The following SPOCK1 variants were observed in gnomAD, a reference collection of about 807,000 sequenced individuals.
SPOCK1 encodes the protein SPARC (osteonectin), cwcv and kazal like domains proteoglycan 1.
Under a neutral mutation model 55.3 loss-of-function variants are expected in SPOCK1, and 23 were observed. The ratio of observed to expected loss-of-function variants is 0.42; its 90% CI spans 0.30 to 0.59. The LOEUF (loss-of-function observed/expected upper bound fraction) is 0.59, where lower values mean the gene tolerates loss of function less well. Among genes scored for constraint, SPOCK1 ranks in the 20% least tolerant of loss-of-function variants. SPOCK1 has a pLI of 0.22. For missense variants in SPOCK1, 499 were observed against 552.5 expected (o/e 0.90, Z 0.97); for synonymous variants, 226 against 221.0 (o/e 1.02, Z -0.20).
rs547035192 is a variant in SPOCK1, at chr5:137,297,020, C to T, written c.187-29965G>A. Among the ~76,000 whole-genome samples, 22 of 152,218 alleles carry T rather than the reference C, an allele frequency of 1.4e-4. No individual in the cohort carries two copies. In the South Asian group the frequency reaches 3.7e-3, roughly 26 times the overall value. On this transcript the variant is annotated intron_variant, in intron 2 of 10. Transcript: ENST00000394945. The stretch of plus-strand genomic sequence containing the variant: ...ATGTGTGTATATATGTACAAACACA[C>T]AATACATACATACACATGCAATAGA...
intron 5 of SPOCK1, among the ~76,000 whole-genome samples, chr5:137,107,417 T>C (rs1055861643): frequency 1.3e-5 from 2 of 152,224 alleles, no homozygotes; most frequent in South Asian, 2.1e-4. Context: ...AGGGTCAGAG[T>C]CTATATCACA....
intron 2 of SPOCK1, among the ~76,000 whole-genome samples, chr5:137,359,981 C>T (rs1323885065): frequency 6.6e-6 from 1 of 152,186 alleles, no homozygotes; most frequent in Non-Finnish European, 1.5e-5. Flanking sequence ...CTGACCAATT[C>T]CATCTCCTGA....
intron 2 of SPOCK1, among the ~76,000 whole-genome samples, chr5:137,451,153 A>T (rs1753247584): frequency 6.6e-6 from 1 of 151,718 alleles, no homozygotes; most frequent in South Asian, 2.1e-4. Context: ...AGGGTAGATC[A>T]CCTCTCCCTC....
At chr5:137,186,507 C>A (rs538604238) in intron 3 of SPOCK1, among the ~76,000 whole-genome samples, 1 of 152,296 alleles carries the variant, frequency 6.6e-6, no homozygotes, top group African/African-American at 2.4e-5. Flanking sequence ...CCAAACTGGA[C>A]AAGATAACAT....
chr5:137,107,480 C>G (rs1041738485), intron 5 of SPOCK1, among the ~76,000 whole-genome samples: 1 of 152,128 alleles, frequency 6.6e-6, no homozygotes, highest in Non-Finnish European at 1.5e-5. Flanking sequence ...CCTGTAGTAC[C>G]CTTCTGTTCC....
chr5:137,304,625 G>C (rs908118144), intron 2 of SPOCK1, among the ~76,000 whole-genome samples: 2 of 152,136 alleles, frequency 1.3e-5, no homozygotes, highest in Non-Finnish European at 2.9e-5. Flanking sequence ...TTTGGTAAGG[G>C]AGGCAGCTTC....
At chr5:137,067,184 C>T (rs916683377) in intron 6 of SPOCK1, among the ~76,000 whole-genome samples, 1 of 152,190 alleles carries the variant, frequency 6.6e-6, no homozygotes, top group African/African-American at 2.4e-5. Context: ...CCAAGCTTTC[C>T]TGGCCCTCTC....
intron 1 of SPOCK1, 139 bp from the exon 2 acceptor site, chr5:137,498,697 C>T: frequency 1.8e-6 from 1 of 570,450 alleles, no homozygotes; most frequent in Non-Finnish European, 2.4e-6. Flanking sequence ...CCTGGGGCGC[C>T]TGTCGCGCCT....
chr5:137,430,706 C>A (rs1364176021), intron 2 of SPOCK1, among the ~76,000 whole-genome samples: 3 of 152,024 alleles, frequency 2.0e-5, no homozygotes, highest in African/African-American at 4.8e-5. Flanking sequence ...GGCAGAGGAA[C>A]TTAATCACTC....
chr5:137,143,798 C>T lies in SPOCK1; in HGVS notation c.233-3104G>A, dbSNP rs1754142145. On this transcript the variant is annotated intron_variant, in intron 3 of 10. Transcript: ENST00000394945. Reference sequence around the variant, plus strand: ...GGATTACCACATTTAATTTTCATAGCCACCAAAGGAGGTAGCTGCTATTAA... The same window carrying T: ...GGATTACCACATTTAATTTTCATAGTCACCAAAGGAGGTAGCTGCTATTAA... Among the ~76,000 whole-genome samples the T allele has an allele frequency of 2.6e-5, 4 of 152,242 alleles. No homozygotes were observed. In the South Asian group the frequency reaches 6.2e-4, roughly 24 times the overall value.
intron 3 of SPOCK1, among the ~76,000 whole-genome samples, chr5:137,227,885 G>A (rs1236909774): frequency 6.6e-6 from 1 of 152,172 alleles, no homozygotes; most frequent in Non-Finnish European, 1.5e-5. Flanking sequence ...GGCCTCATGT[G>A]AGGCAGATAC....
intron 2 of SPOCK1, among the ~76,000 whole-genome samples, chr5:137,442,925 G>C (rs1753046616): frequency 6.6e-6 from 1 of 152,186 alleles, no homozygotes; most frequent in South Asian, 2.1e-4. Flanking sequence ...GGGGCCAACA[G>C]AGAAATGAGC....
At chr5:137,024,318 G>GGGA (rs532405532) in intron 6 of SPOCK1, among the ~76,000 whole-genome samples, 3 of 148,714 alleles carry the variant, frequency 2.0e-5, no homozygotes, top group African/African-American at 5.0e-5. Context: ...GTTTGAAGGG[G>GGGA]GGGGGGTAGT....
chr5:137,170,199 G>A (rs1262713206), intron 3 of SPOCK1, among the ~76,000 whole-genome samples: 2 of 152,178 alleles, frequency 1.3e-5, no homozygotes, highest in South Asian at 2.1e-4. Flanking sequence ...TAAATGCCAT[G>A]TAAATAGTTG....
chr5:137,019,396 T>G (rs1751515337), intron 6 of SPOCK1, among the ~76,000 whole-genome samples: 1 of 152,160 alleles, frequency 6.6e-6, no homozygotes, highest in African/African-American at 2.4e-5. Flanking sequence ...AGTGCCTTGC[T>G]CTTTTTCACT....
At chr5:137,456,135 A>T (rs1753362072) in intron 2 of SPOCK1, among the ~76,000 whole-genome samples, 2 of 152,172 alleles carry the variant, frequency 1.3e-5, no homozygotes, top group Non-Finnish European at 2.9e-5. Context: ...GTCCAATTTA[A>T]TAAGTGAGAC....
intron 6 of SPOCK1, among the ~76,000 whole-genome samples, chr5:137,002,020 T>C (rs1751164259): frequency 6.6e-6 from 1 of 152,182 alleles, no homozygotes; most frequent in African/African-American, 2.4e-5. Context: ...TCAATATATA[T>C]GCGTGTTCTC....
chr5:137,423,842 T>C (rs1752553068), intron 2 of SPOCK1, among the ~76,000 whole-genome samples: 1 of 152,222 alleles, frequency 6.6e-6, no homozygotes, highest in African/African-American at 2.4e-5. Flanking sequence ...ACCTCAGTTG[T>C]AAATGCAGAA....
At chr5:137,182,208 C>T (rs1449984196) in intron 3 of SPOCK1, among the ~76,000 whole-genome samples, 1 of 152,162 alleles carries the variant, frequency 6.6e-6, no homozygotes. Context: ...CTCTGGCCTT[C>T]ATCAGCTGTG....
Sources: gnomAD v4.1 joint callset for allele counts (sites outside exome capture counted in the v4.1 genomes callset) on GRCh38, gnomAD v4.1.1 for gene constraint, MANE v1.5 for transcripts, NCBI Gene and HGNC (gene_info 2026-07-23, HGNC 2026-07-21) for gene names.